The following CLNK variants were observed in gnomAD, a reference collection of about 807,000 sequenced individuals.
The protein encoded by CLNK is cytokine-dependent hematopoietic cell linker.
A neutral mutation model predicts 68.6 loss-of-function variants in CLNK; 74 were observed. The observed-to-expected ratio is 1.08, with a 90% CI of 0.89 to 1.31. The LOEUF is 1.31. Among genes scored for constraint, CLNK ranks in the 50% most tolerant of loss-of-function variants. CLNK has a pLI of 0.00. For synonymous variants in CLNK, 198 were observed against 172.2 expected (o/e 1.15, Z -1.17); for missense variants, 553 against 515.3 (o/e 1.07, Z -0.71).
intron 4 of CLNK, among the ~76,000 whole-genome samples, chr4:10,576,342 A>G (rs1408273748): frequency 6.6e-6 from 1 of 152,236 alleles, no homozygotes; most frequent in Non-Finnish European, 1.5e-5. Flanking sequence ...TCTGCATCCC[A>G]GGAGAGTTAT....
chr4:10,681,753 G>T (rs902676347), intron 1 of CLNK, among the ~76,000 whole-genome samples: 9 of 152,276 alleles, frequency 5.9e-5, no homozygotes, highest in African/African-American at 1.9e-4. Flanking sequence ...ACATCAGCAG[G>T]GTACTCATGG....
chr4:10,552,896 T>A (rs998470817), intron 8 of CLNK, among the ~76,000 whole-genome samples: 1 of 152,184 alleles, frequency 6.6e-6, no homozygotes, highest in Non-Finnish European at 1.5e-5. Context: ...GTCCCTTCCA[T>A]ACAAGCAGCT....
chr4:10,672,236 A>G (rs933390294), intron 1 of CLNK, among the ~76,000 whole-genome samples: 7 of 152,204 alleles, frequency 4.6e-5, no homozygotes, highest in African/African-American at 1.7e-4. Flanking sequence ...GTGTGAGTGC[A>G]TGCCAGACAC....
At chr4:10,634,766 T>C (rs1319751903) in intron 2 of CLNK, among the ~76,000 whole-genome samples, 8 of 152,186 alleles carry the variant, frequency 5.3e-5, no homozygotes. Context: ...GGCTTTTCCC[T>C]TCAGGTTCAT....
intron 1 of CLNK, among the ~76,000 whole-genome samples, chr4:10,669,933 CA>C (rs1157049198): frequency 6.6e-6 from 1 of 152,170 alleles, no homozygotes; most frequent in Non-Finnish European, 1.5e-5. Flanking sequence ...GAACTTTCAT[CA>C]GTGTAATACA....
At chr4:10,556,905 G>A (rs891686412) in intron 8 of CLNK, among the ~76,000 whole-genome samples, 1 of 151,636 alleles carries the variant, frequency 6.6e-6, no homozygotes, top group Non-Finnish European at 1.5e-5. Context: ...GTGAAACCCC[G>A]TCTCTACTAA....
intron 3 of CLNK, among the ~76,000 whole-genome samples, chr4:10,588,965 T>A (rs1424446790): frequency 6.6e-6 from 1 of 152,026 alleles, no homozygotes; most frequent in Non-Finnish European, 1.5e-5. Flanking sequence ...AGTCAAAGGG[T>A]ACAAAGCTTT....
At chr4:10,608,517 T>A (rs1721872960) in intron 2 of CLNK, among the ~76,000 whole-genome samples, 1 of 152,230 alleles carries the variant, frequency 6.6e-6, no homozygotes, top group African/African-American at 2.4e-5. Context: ...GAACAACAGC[T>A]GTGTTTTCTG....
chr4:10,625,655 AAGAG>A (rs1488137991), intron 2 of CLNK, among the ~76,000 whole-genome samples: 2 of 152,076 alleles, frequency 1.3e-5, no homozygotes, highest in South Asian at 2.1e-4. Flanking sequence ...AACACAGAGA[AAGAG>A]AGACAGAGAG....
At chr4:10,633,222 CCACCA>C (rs1351363261) in intron 2 of CLNK, among the ~76,000 whole-genome samples, 1 of 152,206 alleles carries the variant, frequency 6.6e-6, no homozygotes, top group Non-Finnish European at 1.5e-5. Flanking sequence ...ACGGCATCAG[CCACCA>C]CACCTGGCCT....
At chr4:10,611,538 C>A (rs550342293) in intron 2 of CLNK, among the ~76,000 whole-genome samples, 90 of 150,468 alleles carry the variant, frequency 6.0e-4, no homozygotes, top group African/African-American at 2.0e-3. Flanking sequence ...CTGCAGTCTG[C>A]AGGGAAGCTG....
chr4:10,639,062 C>T (rs899033239), intron 2 of CLNK, among the ~76,000 whole-genome samples: 2 of 152,186 alleles, frequency 1.3e-5, no homozygotes, highest in East Asian at 1.9e-4. Flanking sequence ...TCATATCAGA[C>T]GCCTTCCAGA....
At chr4:10,604,670 C>T (rs909686931) in intron 2 of CLNK, among the ~76,000 whole-genome samples, 2 of 151,818 alleles carry the variant, frequency 1.3e-5, no homozygotes, top group Non-Finnish European at 2.9e-5. Context: ...CCTATTATCT[C>T]ACATTTTTAT....
At chr4:10,682,133 A>ATG (rs67960184) in intron 1 of CLNK, among the ~76,000 whole-genome samples, 62,554 of 128,342 alleles carry the variant, frequency 0.49, 13,311 homozygotes, top group Non-Finnish European at 0.54. Flanking sequence ...GTGTGTGTGT[A>ATG]TGTGTGTGTG....
At chr4:10,494,414 G>A (rs1383323238) in intron 18 of CLNK, among the ~76,000 whole-genome samples, 1 of 151,520 alleles carries the variant, frequency 6.6e-6, no homozygotes, top group Non-Finnish European at 1.5e-5. Context: ...ACTTTAACAG[G>A]TAGTAGGCAG....
intron 18 of CLNK, among the ~76,000 whole-genome samples, chr4:10,500,414 C>T (rs1393492485): frequency 4.6e-5 from 7 of 152,210 alleles, no homozygotes; most frequent in African/African-American, 7.2e-5. Context: ...GGCACAGTGG[C>T]TCACGCCTGT....
intron 1 of CLNK, among the ~76,000 whole-genome samples, chr4:10,671,388 A>C (rs897852342): frequency 2.0e-5 from 3 of 150,792 alleles, no homozygotes; most frequent in African/African-American, 7.3e-5. Context: ...CTCTATCTAA[A>C]AAAAAAAAGA....
intron 2 of CLNK, among the ~76,000 whole-genome samples, chr4:10,628,807 T>A (rs1401074692): frequency 6.6e-6 from 1 of 152,146 alleles, no homozygotes; most frequent in Non-Finnish European, 1.5e-5. Flanking sequence ...TCTCTGAAAG[T>A]CTTTGTCTGC....
At chr4:10,660,627 AGTAGGAGATTTT>A (rs1724159512) in intron 2 of CLNK, among the ~76,000 whole-genome samples, 1 of 152,212 alleles carries the variant, frequency 6.6e-6, no homozygotes, top group Non-Finnish European at 1.5e-5. Flanking sequence ...GTGGACAGTC[AGTAGGAGATTTT>A]GTTCAGCTGG....
Sources: gnomAD v4.1 joint callset for allele counts (sites outside exome capture counted in the v4.1 genomes callset) on GRCh38, gnomAD v4.1.1 for gene constraint, MANE v1.5 for transcripts, NCBI Gene and HGNC (gene_info 2026-07-23, HGNC 2026-07-21) for gene names.